Variants in C2orf66 observed in about 807,000 individuals in gnomAD.
The protein encoded by C2orf66 is uncharacterized protein C2orf66.
Under a neutral mutation model 7.0 loss-of-function variants are expected in C2orf66, and 6 were observed. The ratio of observed to expected loss-of-function variants is 0.86; its 90% CI spans 0.47 to 1.69. The LOEUF (loss-of-function observed/expected upper bound fraction) is 1.69. C2orf66 is among the 40% of genes most tolerant of loss of function. The probability of loss-of-function intolerance (pLI) is 0.01; values close to 1 mark genes in which losing one functional copy is unlikely to be tolerated. For missense variants in C2orf66, 107 were observed against 112.0 expected (o/e 0.96, Z 0.20); for synonymous variants, 38 against 43.8 (o/e 0.87, Z 0.52).
At chr2:196,830,805 C>T in the C2orf66 span, among the ~76,000 whole-genome samples, 1 of 152,170 alleles carries the variant, frequency 6.6e-6, no homozygotes, top group African/African-American at 2.4e-5. Context: ...CCTCCTGCTG[C>T]CCCTTGATCT....
At chr2:196,806,143 C>G (rs1699817254) in intron 2 of C2orf66, among the ~76,000 whole-genome samples, 1 of 152,144 alleles carries the variant, frequency 6.6e-6, no homozygotes, top group African/African-American at 2.4e-5. Context: ...TATTATTCAG[C>G]TAAACAAAAA....
At chr2:196,831,611 G>T in the C2orf66 span, among the ~76,000 whole-genome samples, 1 of 152,144 alleles carries the variant, frequency 6.6e-6, no homozygotes, top group Non-Finnish European at 1.5e-5. Context: ...CAAACCCAAA[G>T]AATGGACTTA....
the C2orf66 span, among the ~76,000 whole-genome samples, chr2:196,829,921 C>T: frequency 1.3e-5 from 2 of 151,888 alleles, no homozygotes; most frequent in African/African-American, 2.4e-5. Context: ...AAAACAAAAA[C>T]GACAACAACA....
chr2:196,809,515 G>T, upstream of C2orf66: 1 of 796,108 alleles, frequency 1.3e-6, no homozygotes, highest in Non-Finnish European at 2.0e-6. Context: ...ACTTCTAAAT[G>T]AGGACCCCAA....
At chr2:196,821,928 C>CGTTTT in the C2orf66 span, among the ~76,000 whole-genome samples, 1 of 32,252 alleles carries the variant, frequency 3.1e-5, no homozygotes, top group Non-Finnish European at 5.3e-5. Context: ...AACCAGTGAG[C>CGTTTT]TTTTTTTTTT....
chr2:196,821,195 C>T, the C2orf66 span, among the ~76,000 whole-genome samples: 1 of 152,226 alleles, frequency 6.6e-6, no homozygotes, highest in Non-Finnish European at 1.5e-5. Flanking sequence ...ACAAGTCCTT[C>T]CATAGGGTGT....
At chr2:196,827,877 T>C in the C2orf66 span, among the ~76,000 whole-genome samples, 1 of 152,226 alleles carries the variant, frequency 6.6e-6, no homozygotes, top group Non-Finnish European at 1.5e-5. Context: ...AATGGGCATG[T>C]AGCTCTGCAA....
At chr2:196,818,071 A>G in the C2orf66 span, among the ~76,000 whole-genome samples, 3 of 152,358 alleles carry the variant, frequency 2.0e-5, no homozygotes, top group Non-Finnish European at 4.4e-5. Context: ...GATTAAAGTA[A>G]GACAGGTGTA....
At chr2:196,811,428 T>G (rs796219424), upstream of C2orf66, among the ~76,000 whole-genome samples, 25 of 152,268 alleles carry the variant, frequency 1.6e-4, no homozygotes, top group African/African-American at 6.0e-4. Context: ...AGGGCGATGT[T>G]AGCACAGATG....
rs777650884 is a variant in C2orf66, at chr2:196,809,231, G to C, written c.106C>G (p.Pro36Ala). The C allele has an allele frequency of 3.1e-6, 5 of 1,613,942 alleles. No individual in the cohort carries two copies. The highest frequency in any genetic ancestry group is 1.7e-4 in the Middle Eastern group (1 of 6,040). Residue 36 changes from proline (P) to alanine (A), a missense_variant, in exon 1 of 3, where the codon CCC (proline) becomes GCC (alanine). Coordinates refer to ENST00000342506, the MANE Select transcript of C2orf66 (RefSeq NM_213608.3). Reference sequence around the variant, plus strand: ...GTTCTTACCAGATCTCTGTTTCTGGGGTTGTTGAGTGGCTTCCATTTGTCC... The same window carrying C: ...GTTCTTACCAGATCTCTGTTTCTGGCGTTGTTGAGTGGCTTCCATTTGTCC... ...NEDKWKPLNN[P>A]RNRDLFFRRL...
intron 2 of C2orf66, among the ~76,000 whole-genome samples, chr2:196,805,792 C>T (rs142114221): frequency 0.018 from 2,679 of 152,234 alleles, 31 homozygotes; most frequent in Non-Finnish European, 0.028. Context: ...AATTTATCTG[C>T]CTTTTACTAA....
chr2:196,827,976 A>T, the C2orf66 span, among the ~76,000 whole-genome samples: 3 of 152,192 alleles, frequency 2.0e-5, no homozygotes, highest in Admixed American at 1.3e-4. Context: ...AACATAGTCA[A>T]AAGAGAATTT....
chr2:196,831,194 C>T, the C2orf66 span, among the ~76,000 whole-genome samples: 1 of 152,150 alleles, frequency 6.6e-6, no homozygotes, highest in African/African-American at 2.4e-5. Flanking sequence ...CCCTTTGTCC[C>T]CTAGGCCTAG....
At chr2:196,818,375 C>T in the C2orf66 span, among the ~76,000 whole-genome samples, 5 of 152,246 alleles carry the variant, frequency 3.3e-5, no homozygotes, top group Admixed American at 6.5e-5. Flanking sequence ...CTCACAGCTG[C>T]TGCTTCCATC....
At chr2:196,822,845 GT>G in the C2orf66 span, among the ~76,000 whole-genome samples, 5 of 151,864 alleles carry the variant, frequency 3.3e-5, no homozygotes, top group African/African-American at 1.2e-4. Flanking sequence ...GAATTTTAAT[GT>G]TTTTCATTTA....
At chr2:196,822,633 A>AT in the C2orf66 span, among the ~76,000 whole-genome samples, 37 of 150,354 alleles carry the variant, frequency 2.5e-4, no homozygotes, top group Admixed American at 8.0e-4. Flanking sequence ...AGCATATTGC[A>AT]TTTTTTTTTC....
upstream of C2orf66, among the ~76,000 whole-genome samples, chr2:196,811,530 A>G (rs929733348): frequency 2.0e-5 from 3 of 152,280 alleles, no homozygotes; most frequent in African/African-American, 7.2e-5. Flanking sequence ...TGGGAGTTTC[A>G]AAACCAATTG....
chr2:196,829,958 A>G, the C2orf66 span, among the ~76,000 whole-genome samples: 1 of 151,748 alleles, frequency 6.6e-6, no homozygotes, highest in Non-Finnish European at 1.5e-5. Context: ...ACCATACACA[A>G]CATTAGGACA....
In C2orf66 at chr2:196,804,837, TTTG is replaced by T. The variant is rs1272535618; in HGVS notation, c.*588_*590del. 1.3e-5 allele frequency among the ~76,000 whole-genome samples: 2 copies of T among 152,342 alleles called. No homozygotes were observed. Among genetic ancestry groups the T allele is most frequent in the Non-Finnish European group, 1.5e-5 (1 of 68,016 alleles). ...CGTTGACAACTTCTAGAATCCCATG[TTTG>T]TTGTTGTTGTTTGCTTCCATTTTAA... is the stretch of plus-strand genomic sequence containing the variant. On this transcript the variant is annotated 3_prime_UTR_variant, in exon 3 of 3. Coordinates refer to ENST00000342506, the MANE Select transcript of C2orf66 (RefSeq NM_213608.3).
Sources: allele counts gnomAD v4.1 joint callset (sites outside exome capture counted in the v4.1 genomes callset), GRCh38; gene constraint gnomAD v4.1.1; transcripts MANE v1.5; gene names NCBI Gene and HGNC (gene_info 2026-07-23, HGNC 2026-07-21).